TEX2: variants seen among roughly 807,000 people sequenced by gnomAD.
TEX2 encodes the protein testis expressed 2, also known as testis-expressed protein 2.
Under a neutral mutation model 106.9 loss-of-function variants are expected in TEX2, and 53 were observed. The observed-to-expected ratio is 0.50, with a 90% CI of 0.40 to 0.62. The LOEUF is 0.62. TEX2 is among the 20% of genes least tolerant of loss of function. The pLI, the probability that TEX2 is intolerant of heterozygous loss-of-function variation, is 0.00. For synonymous variants in TEX2, 523 were observed against 534.8 expected, an observed-to-expected ratio of 0.98 and a Z score of 0.30; for missense variants, 1,207 against 1,379.0, an observed-to-expected ratio of 0.88 and a Z score of 1.98.
At chr17:64,157,307 A>G (rs1022623319) in intron 8 of TEX2, among the ~76,000 whole-genome samples, 1 of 152,226 alleles carries the variant, frequency 6.6e-6, no homozygotes, top group African/African-American at 2.4e-5. Flanking sequence ...GAGACACCTT[A>G]AAAGGCTTAT....
At chr17:64,237,239 C>G (rs1252668102) in intron 1 of TEX2, among the ~76,000 whole-genome samples, 2 of 151,400 alleles carry the variant, frequency 1.3e-5, no homozygotes, top group Non-Finnish European at 2.9e-5. Context: ...GGGCCTGAGG[C>G]AGGCGCAGAG....
chr17:64,152,216 T>C (rs553699507), intron 10 of TEX2, among the ~76,000 whole-genome samples: 2 of 152,228 alleles, frequency 1.3e-5, no homozygotes, highest in Non-Finnish European at 2.9e-5. Flanking sequence ...CCCATTTTTA[T>C]AGGACTTAGC....
chr17:64,164,212 C>T (rs574310061), intron 7 of TEX2, among the ~76,000 whole-genome samples: 11 of 152,036 alleles, frequency 7.2e-5, no homozygotes, highest in Admixed American at 3.3e-4. Flanking sequence ...CTGAGGCAGG[C>T]GGATCACTTG....
rs909684041 is a variant in TEX2 at position 64,149,149 on chromosome 17, C to T, written c.3262-58G>A. ...AAGAATGCCTTGCCAGGCTGTCACC[C>T]TCCTTTGTTCTGATAATTTTAGGGC... On this transcript the variant is annotated intron_variant, in intron 11 of 11. Transcript: ENST00000584379. 5 of 1,578,992 alleles carry T rather than the reference C, an allele frequency of 3.2e-6. No homozygotes were observed. The African/African-American group carries it at 5.4e-5, about 17-fold the overall frequency.
chr17:64,153,973 C>T lies in TEX2; in HGVS notation c.2931-819G>A, dbSNP rs775339932. Among the ~76,000 whole-genome samples the T allele has an allele frequency of 2.6e-4, 39 of 152,260 alleles. No homozygotes were observed. The highest frequency in any genetic ancestry group is 7.9e-4 in the African/African-American group (33 of 41,556). On this transcript the variant is annotated intron_variant, in intron 9 of 11. Transcript: ENST00000584379. The surrounding 1 kb of genome is among the most constrained non-coding windows in gnomAD (Gnocchi z 4.1). ...CAAACAAAATGCTACACCAAGTTGA[C>T]GTGCTCACAGGCCAAGAAAATAAGC...
At chr17:64,167,912 C>A (rs1410613510) in intron 7 of TEX2, among the ~76,000 whole-genome samples, 1 of 152,166 alleles carries the variant, frequency 6.6e-6, no homozygotes, top group Non-Finnish European at 1.5e-5. Context: ...GTAGTCGGGT[C>A]CAGAGCTGGT....
chr17:64,250,822 C>T lies in TEX2; in HGVS notation c.-26+12346G>A, dbSNP rs890147275. On this transcript the variant is annotated intron_variant, in intron 1 of 11. Coordinates refer to ENST00000584379, the MANE Select transcript of TEX2 (RefSeq NM_001288732.2). The stretch of plus-strand genomic sequence containing the variant: ...TCAGCCTCCTAAGTAGCAGAGACCA[C>T]AGGTGCATGTCACCATGCCCAGCTA... Among the ~76,000 whole-genome samples, 5 of 152,174 alleles carry T rather than the reference C, an allele frequency of 3.3e-5. No homozygotes were observed. In the East Asian group the frequency reaches 7.7e-4, roughly 23 times the overall value.
rs115950083 is a variant in TEX2 at position 64,164,130 on chromosome 17, C to G, written c.2672-3197G>C. Reference sequence around the variant, plus strand: ...GTAACCAGTGGCACCCGATTATTAACGAGCCCCTATAAAACTGGCACTTCA... The same window carrying G: ...GTAACCAGTGGCACCCGATTATTAAGGAGCCCCTATAAAACTGGCACTTCA... On this transcript the variant is annotated intron_variant, in intron 7 of 11. Transcript: ENST00000584379. Among the ~76,000 whole-genome samples the G allele has an allele frequency of 8.4e-3, 1,275 of 152,200 alleles. 22 individuals are homozygous for G. The highest frequency in any genetic ancestry group is 0.029 in the African/African-American group (1,217 of 41,522).
chr17:64,245,158 A>G (rs782293395), intron 1 of TEX2, among the ~76,000 whole-genome samples: 3 of 152,164 alleles, frequency 2.0e-5, no homozygotes, highest in Non-Finnish European at 4.4e-5. Flanking sequence ...TATAAAAGGT[A>G]CCCTTACACT....
At chr17:64,184,714 T>C (rs1445892097) in intron 5 of TEX2, among the ~76,000 whole-genome samples, 1 of 152,216 alleles carries the variant, frequency 6.6e-6, no homozygotes, top group Non-Finnish European at 1.5e-5. Flanking sequence ...TTTATGGTTT[T>C]AGCTCTTACA....
rs1444722002 is a variant in TEX2, at chr17:64,185,322, C to A, written c.2424+2846G>T. On this transcript the variant is annotated intron_variant, in intron 5 of 11. Transcript: ENST00000584379. The surrounding 1 kb of genome is among the most constrained non-coding windows in gnomAD (Gnocchi z 4.0). Reference sequence around the variant, plus strand: ...AACCATGGCCTCTCTCCCAGGCAGGCAATGCAGGGCACACAGAACCAGCAG... The same window carrying A: ...AACCATGGCCTCTCTCCCAGGCAGGAAATGCAGGGCACACAGAACCAGCAG... Among the ~76,000 whole-genome samples the A allele has an allele frequency of 1.3e-5, 2 of 152,198 alleles. No individual in the cohort carries two copies. Among genetic ancestry groups the A allele is most frequent in the Non-Finnish European group, 2.9e-5 (2 of 68,028 alleles).
At chr17:64,163,585 A>G (rs1230113677) in intron 7 of TEX2, among the ~76,000 whole-genome samples, 1 of 152,216 alleles carries the variant, frequency 6.6e-6, no homozygotes, top group African/African-American at 2.4e-5. Context: ...TTTTGTAACA[A>G]TGATTCAGCA....
chr17:64,152,832 T>TA (rs2030419379), intron 10 of TEX2, 113 bp downstream of exon 10: 1 of 1,050,340 alleles, frequency 9.5e-7, no homozygotes, highest in African/African-American at 1.6e-5. Context: ...TGTTTGGAAG[T>TA]GCTTCTGCCC....
In TEX2 at chr17:64,219,513, A is replaced by C. The variant is rs537410513; in HGVS notation, c.-25-5271T>G. On this transcript the variant is annotated intron_variant, in intron 1 of 11. Transcript: ENST00000584379. ...AGAGTGAGACTCCATCTCATCAAATAAAATAAAATAAAATAAAATAAAATA... is the reference window on the plus strand; with the variant it reads ...AGAGTGAGACTCCATCTCATCAAATCAAATAAAATAAAATAAAATAAAATA... Among the ~76,000 whole-genome samples the C allele has an allele frequency of 1.7e-4, 17 of 99,236 alleles. No individual in the cohort carries two copies. The South Asian group carries it at 3.6e-3, about 21-fold the overall frequency. 65.1% of individuals were successfully genotyped at this position (99,236 alleles called of 152,430 possible). A position where few individuals can be genotyped will look rare whatever the true frequency, so the allele number is the denominator to read the frequency against.
In TEX2 at chr17:64,177,438, GTTC is replaced by G. The variant is rs759287221; in HGVS notation, c.2455_2457del (p.Glu819del). Reference sequence around the variant, plus strand: ...AGCAAGGCATTCACCCAGGCTTCCTGTTCTTCCTCCTCAGAGGGTGGAACCTCT... The same window carrying G: ...AGCAAGGCATTCACCCAGGCTTCCTGTTCCTCCTCAGAGGGTGGAACCTCT... On this transcript the variant is annotated inframe_deletion, in exon 6 of 12. Coordinates refer to ENST00000584379, the MANE Select transcript of TEX2 (RefSeq NM_001288732.2). The G allele has an allele frequency of 1.2e-6, 2 of 1,614,150 alleles. No homozygotes were observed. The highest frequency in any genetic ancestry group is 2.2e-5 in the South Asian group (2 of 91,078).
intron 5 of TEX2, among the ~76,000 whole-genome samples, chr17:64,181,824 AT>A (rs67787101): frequency 0.013 from 1,886 of 144,992 alleles, 29 homozygotes; most frequent in African/African-American, 0.043. Context: ...CTGGTTTTGT[AT>A]TTTTTTTTTT....
intron 7 of TEX2, among the ~76,000 whole-genome samples, chr17:64,170,803 T>C (rs1009744939): frequency 1.3e-5 from 2 of 151,970 alleles, no homozygotes; most frequent in African/African-American, 4.8e-5. Flanking sequence ...CGACTAATTT[T>C]TGTACTTTTT....
rs768286288 is a variant in TEX2 at position 64,193,582 on chromosome 17, G to A, written c.2153C>T (p.Ser718Leu). ...ACCTGGTTTACCTCCAGAGACACCCGATGACTTCTTGATTTCCGACTTTAG... is the reference window on the plus strand; with the variant it reads ...ACCTGGTTTACCTCCAGAGACACCCAATGACTTCTTGATTTCCGACTTTAG... ...SKLKSEIKKS[S>L]GVSGGKPGLL... Residue 718 changes from serine to leucine, a missense_variant, in exon 4 of 12, where the codon TCG (serine) becomes TTG (leucine). Ser to Leu is a moderately radical substitution (Grantham distance 145). This residue lies in a region of TEX2 where 1,067 missense variants were observed against 1,193.6 expected (regional missense o/e 0.89). Coordinates refer to ENST00000584379, the MANE Select transcript of TEX2 (RefSeq NM_001288732.2). The A allele has an allele frequency of 8.3e-6, 12 of 1,442,862 alleles. No homozygotes were observed. The highest frequency in any genetic ancestry group is 7.4e-5 in the East Asian group (3 of 40,658). The allele number at this position is 1,442,862 out of a possible 1,614,324, so 89.4% of individuals were successfully genotyped here. A position where few individuals can be genotyped will look rare whatever the true frequency, so the allele number is the denominator to read the frequency against.
Position 64,214,048 on chromosome 17 carries a change from T to C in TEX2, c.170A>G (p.Glu57Gly). 1 of 1,614,208 alleles carries C rather than the reference T, an allele frequency of 6.2e-7. No homozygotes were observed. The highest frequency in any genetic ancestry group is 8.5e-7 in the Non-Finnish European group (1 of 1,180,036). The change falls in exon 2 of 12, where the codon GAG becomes GGG. Residue 57 changes from glutamate to glycine, a missense_variant. Around this residue, in one of 3 missense-constraint regions of TEX2, gnomAD observed 1,067 missense variants for 1,193.6 expected, o/e 0.89. Transcript: ENST00000584379. ...AATGCTTTGGTCATCCAGCCCCTCCTCAAAGTACTCCCTGAACTCCTCCTC... is the reference window on the plus strand; with the variant it reads ...AATGCTTTGGTCATCCAGCCCCTCCCCAAAGTACTCCCTGAACTCCTCCTC... Reference protein sequence around the residue: ...EEEEEFREYFEEGLDDQSIVT... With the variant: ...EEEEEFREYFGEGLDDQSIVT...
Sources: gnomAD v4.1 joint callset for allele counts (sites outside exome capture counted in the v4.1 genomes callset) on GRCh38, gnomAD v4.1.1 for gene constraint, gnomAD v4.1.1 regional missense constraint, Gnocchi (gnomAD v3.1) non-coding constraint, MANE v1.5 for transcripts, NCBI Gene and HGNC (gene_info 2026-07-23, HGNC 2026-07-21) for gene names.